TACC2: variants seen among roughly 807,000 people sequenced by gnomAD.
TACC2 encodes the protein transforming acidic coiled-coil containing protein 2.
Under a neutral mutation model 227.3 loss-of-function variants are expected in TACC2, and 137 were observed. That is an observed-to-expected ratio of 0.60 (90% CI 0.52 to 0.69). The LOEUF is 0.69. TACC2 is among the 30% of genes least tolerant of loss of function. The pLI, the probability that TACC2 is intolerant of heterozygous loss-of-function variation, is 0.00. For synonymous variants in TACC2, 1,523 were observed against 1,487.5 expected (o/e 1.02, Z -0.55); for missense variants, 3,470 against 3,694.4 (o/e 0.94, Z 1.57).
intron 5 of TACC2, among the ~76,000 whole-genome samples, chr10:122,112,567 C>T (rs1178532546): frequency 6.6e-6 from 1 of 152,236 alleles, no homozygotes; most frequent in Non-Finnish European, 1.5e-5. Flanking sequence ...CACCATTTCA[C>T]CCCCAGCTTC....
At chr10:122,233,807 TG>T (rs906253422) in intron 16 of TACC2, among the ~76,000 whole-genome samples, 1 of 152,112 alleles carries the variant, frequency 6.6e-6, no homozygotes, top group African/African-American at 2.4e-5. Context: ...CAGGAGCGGC[TG>T]GCTGTTGCCA....
In TACC2 at chr10:122,043,119, A is replaced by G. The variant is rs1343774097; in HGVS notation, c.34-7319A>G. Reference sequence around the variant, plus strand: ...GAGAGGAACTGATCTGACCAAGGGCACATGGATTTGGATTTTCTGACCTCA... The same window carrying G: ...GAGAGGAACTGATCTGACCAAGGGCGCATGGATTTGGATTTTCTGACCTCA... On this transcript the variant is annotated intron_variant, in intron 2 of 22. Coordinates refer to ENST00000369005, the MANE Select transcript of TACC2 (RefSeq NM_206862.4). 1.3e-5 allele frequency among the ~76,000 whole-genome samples: 2 copies of G among 152,206 alleles called. 1 individual carries two copies. Among genetic ancestry groups the G allele is most frequent in the African/African-American group, 4.8e-5 (2 of 41,448 alleles).
At chr10:122,077,114 C>CAAAAAAA (rs973879242) in intron 3 of TACC2, among the ~76,000 whole-genome samples, 3 of 67,036 alleles carry the variant, frequency 4.5e-5, no homozygotes, top group Non-Finnish European at 8.9e-5. Flanking sequence ...GACTCTGTCT[C>CAAAAAAA]AAAAAAAAAA....
intron 3 of TACC2, among the ~76,000 whole-genome samples, chr10:122,080,217 T>C (rs2079298885): frequency 5.0e-4 from 2 of 3,982 alleles, no homozygotes; most frequent in Non-Finnish European, 4.3e-3. Flanking sequence ...TTTCCTTTTT[T>C]TTTTTTTGTT....
Position 122,088,490 on chromosome 10 carries a change from G to A in TACC2, c.5472G>A (p.Arg1824=). 6.2e-7 allele frequency: 1 copy of A among 1,612,794 alleles called. No individual in the cohort carries two copies. The highest frequency in any genetic ancestry group is 8.5e-7 in the Non-Finnish European group (1 of 1,179,434). ...EELHTDRESP[R]PGPSMLPSVP... Reference sequence around the variant, plus strand: ...TTTATTATCCCAGAGAGAGCCCCAGGCCTGGCCCATCCATGTTACCTTCGG... The same window carrying A: ...TTTATTATCCCAGAGAGAGCCCCAGACCTGGCCCATCCATGTTACCTTCGG... Residue 1824 remains arginine, a synonymous_variant, in exon 5 of 23, where the codon AGG becomes AGA. Coordinates refer to ENST00000369005, the MANE Select transcript of TACC2 (RefSeq NM_206862.4).
intron 7 of TACC2, among the ~76,000 whole-genome samples, chr10:122,172,804 G>A (rs182972589): frequency 6.6e-6 from 1 of 152,142 alleles, no homozygotes; most frequent in Non-Finnish European, 1.5e-5. Flanking sequence ...AGCCAGGAGT[G>A]CACAGAGGGT....
intron 8 of TACC2, among the ~76,000 whole-genome samples, chr10:122,203,339 C>T (rs1398510425): frequency 1.4e-5 from 2 of 138,030 alleles, no homozygotes; most frequent in South Asian, 2.1e-4. Flanking sequence ...CCTCACTTCC[C>T]GGATGGGGCG....
rs1268515894 is a variant in TACC2, at chr10:122,254,505, T to C, written c.*449T>C. 6.4e-6 allele frequency: 1 copy of C among 155,622 alleles called. No homozygotes were observed. The highest frequency in any genetic ancestry group is 1.4e-5 in the Non-Finnish European group (1 of 70,322). The allele number at this position is 155,622 out of a possible 1,614,324, so 9.6% of individuals were successfully genotyped here. On this transcript the variant is annotated 3_prime_UTR_variant, in exon 23 of 23. Coordinates refer to ENST00000369005, the MANE Select transcript of TACC2 (RefSeq NM_206862.4). ...GAAATGCATGTTTCAAATAAAATTC[T>C]CTATTGTAAATAAAATTTTTTCTTT...
At position 122,174,198 on chromosome 10, in the gene TACC2, A is replaced by G. The variant is rs370408534; in HGVS notation, c.5835-20842A>G. Among the ~76,000 whole-genome samples, 10 of 152,348 alleles carry G rather than the reference A, an allele frequency of 6.6e-5. No individual in the cohort carries two copies. The East Asian group carries it at 1.9e-3, about 29-fold the overall frequency. On this transcript the variant is annotated intron_variant, in intron 7 of 22. Transcript: ENST00000369005. ...TGCATATTTTACCTGGACCAACAAG[A>G]CAGGTGGCCTAGGGGCTGAGGGTGT...
At chr10:122,030,025 G>A (rs1249197536) in intron 2 of TACC2, among the ~76,000 whole-genome samples, 1 of 152,058 alleles carries the variant, frequency 6.6e-6, no homozygotes, top group Non-Finnish European at 1.5e-5. Flanking sequence ...CTGGCATCTG[G>A]TAGGTAGAGG....
intron 3 of TACC2, among the ~76,000 whole-genome samples, chr10:122,073,126 AATATATATATAT>A (rs1167084872): frequency 1.4e-5 from 1 of 71,004 alleles, no homozygotes; most frequent in African/African-American, 6.2e-5. Context: ...AAAAAAAAAA[AATATATATATAT>A]ATATATATAT....
rs1288364549 is a variant in TACC2 at position 122,194,451 on chromosome 10, C to G, written c.5835-589C>G. On this transcript the variant is annotated intron_variant, in intron 7 of 22. Coordinates refer to ENST00000369005, the MANE Select transcript of TACC2 (RefSeq NM_206862.4). This position sits in a 1 kb window ranked among gnomAD's most constrained non-coding sequence, Gnocchi z 4.4. The stretch of plus-strand genomic sequence containing the variant: ...TCTGCCTGGCCGGCTTGCTGGCTTC[C>G]TTCGTTCACTCCATTCACCCACTCA... 1.3e-5 allele frequency among the ~76,000 whole-genome samples: 2 copies of G among 152,220 alleles called. No individual in the cohort carries two copies. Among genetic ancestry groups the G allele is most frequent in the Non-Finnish European group, 2.9e-5 (2 of 68,044 alleles).
chr10:122,118,644 G>T (rs528666748), intron 5 of TACC2, among the ~76,000 whole-genome samples: 1 of 152,340 alleles, frequency 6.6e-6, no homozygotes, highest in East Asian at 1.9e-4. Context: ...TTTGCTGCTT[G>T]TGTGGTTTTG....
intron 7 of TACC2, among the ~76,000 whole-genome samples, chr10:122,188,414 G>C (rs1007257810): frequency 1.3e-5 from 2 of 152,100 alleles, no homozygotes; most frequent in African/African-American, 4.8e-5. Context: ...CAAGTAGCTG[G>C]GACTACAGGC....
chr10:122,210,699 A>G lies in TACC2; in HGVS notation c.6274A>G (p.Ser2092Gly), dbSNP rs777051347. The change falls in exon 9 of 23, where the codon AGT (serine) becomes GGT (glycine). Residue 2092 changes from serine (S) to glycine (G), a missense_variant. Physicochemically the swap from Ser to Gly is moderately conservative, Grantham distance 56 (BLOSUM62 0). Around this residue, in one of 10 missense-constraint regions of TACC2, gnomAD observed 593 missense variants for 636.6 expected, o/e 0.93. Coordinates refer to ENST00000369005, the MANE Select transcript of TACC2 (RefSeq NM_206862.4). The surrounding 1 kb of genome is among the most constrained non-coding windows in gnomAD (Gnocchi z 4.6). ...GTCCCGGTCGCTCAGCCTGCAAGCC[A>G]GTGACTTTGATGGTGCTTCTTCCTC... ...TLSRSLSLQA[S>G]DFDGASSSGN... 6.2e-7 allele frequency: 1 copy of G among 1,614,084 alleles called. No homozygotes were observed. The highest frequency in any genetic ancestry group is 8.5e-7 in the Non-Finnish European group (1 of 1,180,014).
intron 5 of TACC2, among the ~76,000 whole-genome samples, chr10:122,090,134 T>C (rs2080586490): frequency 6.6e-6 from 1 of 152,200 alleles, no homozygotes; most frequent in South Asian, 2.1e-4. Flanking sequence ...AGATGTATAG[T>C]AGTACAATAA....
rs1185645252 is a variant in TACC2, at chr10:122,084,481, C to T, written c.1981C>T (p.His661Tyr). 1.2e-6 allele frequency: 2 copies of T among 1,613,302 alleles called. No individual in the cohort carries two copies. Among genetic ancestry groups the T allele is most frequent in the Non-Finnish European group, 1.7e-6 (2 of 1,180,008 alleles). The change falls in exon 4 of 23, where the codon CAC becomes TAC. Residue 661 changes from histidine to tyrosine, a missense_variant. Physicochemically the swap from His to Tyr is moderately conservative, Grantham distance 83 (BLOSUM62 2). Transcript: ENST00000369005. Reference sequence around the variant, plus strand: ...AGAGGCTGATGCATCTGGCCTACCACACAAGCTGGGTGAGGAGGACCCCGT... The same window carrying T: ...AGAGGCTGATGCATCTGGCCTACCATACAAGCTGGGTGAGGAGGACCCCGT... ...TAEADASGLP[H>Y]KLGEEDPVLP...
At chr10:122,218,772 G>T (rs1165353202) in intron 11 of TACC2, among the ~76,000 whole-genome samples, 2 of 151,986 alleles carry the variant, frequency 1.3e-5, no homozygotes, top group Non-Finnish European at 2.9e-5. Context: ...CCAGCATTTT[G>T]GGAGACTGAG....
At chr10:122,135,218 C>T (rs912156798) in intron 6 of TACC2, among the ~76,000 whole-genome samples, 10 of 152,150 alleles carry the variant, frequency 6.6e-5, no homozygotes, top group Non-Finnish European at 1.2e-4. Context: ...GGCAGAGCTG[C>T]GGGAGAGCCA....
Sources: allele counts gnomAD v4.1 joint callset (sites outside exome capture counted in the v4.1 genomes callset), GRCh38; gene constraint gnomAD v4.1.1; regional missense constraint gnomAD v4.1.1; non-coding constraint Gnocchi (gnomAD v3.1); transcripts MANE v1.5; gene names NCBI Gene and HGNC (gene_info 2026-07-23, HGNC 2026-07-21).